The following TOX4 variants were observed in gnomAD, a reference collection of about 807,000 sequenced individuals.
The protein encoded by TOX4 is epidermal Langerhans cell protein LCP1.
In TOX4, 12 loss-of-function variants were observed where a neutral mutation model predicts 61.0. The ratio of observed to expected loss-of-function variants is 0.20; its 90% CI spans 0.13 to 0.32. The LOEUF is 0.32. Ranked by LOEUF, TOX4 falls within the 10% of genes least tolerant of loss-of-function variation. The pLI, the probability that TOX4 is intolerant of heterozygous loss-of-function variation, is 1.00. For synonymous variants in TOX4, 268 were observed against 274.8 expected (o/e 0.98, Z 0.24); for missense variants, 499 against 753.3 (o/e 0.66, Z 3.95).
chr14:21,495,191 C>CTTGGT (rs766096738), intron 7 of TOX4, 38 bp from the exon 8 acceptor site: 29 of 1,602,786 alleles, frequency 1.8e-5, no homozygotes, highest in Non-Finnish European at 2.3e-5. Flanking sequence ...AGGCAGGGAG[C>CTTGGT]AATCTAATCC....
intron 2 of TOX4, among the ~76,000 whole-genome samples, chr14:21,478,109 G>C (rs1422663733): frequency 6.6e-6 from 1 of 152,100 alleles, no homozygotes; most frequent in African/African-American, 2.4e-5. Context: ...GCTAATTTTT[G>C]TATATTTAGT....
In TOX4 at chr14:21,495,299, G is replaced by T; in HGVS notation, c.1712G>T (p.Arg571Leu). The change falls in exon 8 of 9, where the codon CGA (arginine) becomes CTA (leucine). Residue 571 changes from arginine (R) to leucine (L), a missense_variant. By Grantham distance (102) the Arg-to-Leu change is moderately radical (BLOSUM62 -2). This residue lies in a region of TOX4 where 296 missense variants were observed against 404.7 expected (regional missense o/e 0.73). Transcript: ENST00000448790. Reference sequence around the variant, plus strand: ...CCTGTGGCACTCTCACCCCAGCCTCGATGTGTGAGGTCTGGTTGTGAGAAC... The same window carrying T: ...CCTGTGGCACTCTCACCCCAGCCTCTATGTGTGAGGTCTGGTTGTGAGAAC... ...GSPVALSPQPRCVRSGCENPP... is the reference protein window; with the variant it reads ...GSPVALSPQPLCVRSGCENPP... 6.2e-7 allele frequency: 1 copy of T among 1,614,152 alleles called. No homozygotes were observed. The highest frequency in any genetic ancestry group is 8.5e-7 in the Non-Finnish European group (1 of 1,180,020).
At position 21,498,701 on chromosome 14, in the gene TOX4, G is replaced by T; in HGVS notation, c.*2095G>T. On this transcript the variant is annotated 3_prime_UTR_variant, in exon 9 of 9. Coordinates refer to ENST00000448790, the MANE Select transcript of TOX4 (RefSeq NM_014828.4). Reference sequence around the variant, plus strand: ...TAAGCTCTGTTAAGGGGTGAAAGATGTAATTATTGACAGATTAAATAGATA... The same window carrying T: ...TAAGCTCTGTTAAGGGGTGAAAGATTTAATTATTGACAGATTAAATAGATA... The T allele has an allele frequency of 2.2e-6, 1 of 464,076 alleles. No homozygotes were observed. The highest frequency in any genetic ancestry group is 3.8e-5 in the East Asian group (1 of 26,006). 28.7% of individuals were successfully genotyped at this position (464,076 alleles called of 1,614,324 possible). A position where few individuals can be genotyped will look rare whatever the true frequency, so the allele number is the denominator to read the frequency against.
chr14:21,495,154 A>G (rs1453302849), intron 7 of TOX4, 75 bp from the exon 8 acceptor site: 1 of 1,526,508 alleles, frequency 6.6e-7, no homozygotes, highest in Non-Finnish European at 8.9e-7. Context: ...ATTGGTTTCT[A>G]CAGATAATTT....
At chr14:21,482,162 T>G (rs1891117449) in intron 2 of TOX4, among the ~76,000 whole-genome samples, 1 of 152,188 alleles carries the variant, frequency 6.6e-6, no homozygotes, top group Admixed American at 6.5e-5. Context: ...TGTTTCTCTT[T>G]TTCAGGTTGG....
chr14:21,484,963 G>A lies in TOX4; in HGVS notation c.76-2488G>A, dbSNP rs1445862908. Among the ~76,000 whole-genome samples, 4 of 106,856 alleles carry A rather than the reference G, an allele frequency of 3.7e-5. 2 individuals are homozygous for A. The highest frequency in any genetic ancestry group is 1.4e-4 in the African/African-American group (4 of 28,642). 70.1% of individuals were successfully genotyped at this position (106,856 alleles called of 152,430 possible). A position where few individuals can be genotyped will look rare whatever the true frequency, so the allele number is the denominator to read the frequency against. On this transcript the variant is annotated intron_variant, in intron 2 of 8. Coordinates refer to ENST00000448790, the MANE Select transcript of TOX4 (RefSeq NM_014828.4). ...CGTGAGCCACTGCTCCCAGCCTAAT[G>A]TCTTCATTAAACCAGAATTAGAGGC...
intron 3 of TOX4, 92 bp from the exon 4 acceptor site, chr14:21,488,498 T>G: frequency 8.2e-7 from 1 of 1,219,974 alleles, no homozygotes; most frequent in East Asian, 2.4e-5. Context: ...ACAATTTGGG[T>G]AGGCAGGGAA....
Position 21,498,676 on chromosome 14 carries a change from T to G in TOX4, c.*2070T>G, listed in dbSNP as rs1891474141. On this transcript the variant is annotated 3_prime_UTR_variant, in exon 9 of 9. Coordinates refer to ENST00000448790, the MANE Select transcript of TOX4 (RefSeq NM_014828.4). The stretch of plus-strand genomic sequence containing the variant: ...AGCAAAATGCTAGCAGCATGTGTTT[T>G]AAGCTCTGTTAAGGGGTGAAAGATG... 1 of 483,442 alleles carries G rather than the reference T, an allele frequency of 2.1e-6. No homozygotes were observed. The highest frequency in any genetic ancestry group is 3.7e-6 in the Non-Finnish European group (1 of 270,786). 29.9% of individuals were successfully genotyped at this position (483,442 alleles called of 1,614,324 possible). A position where few individuals can be genotyped will look rare whatever the true frequency, so the allele number is the denominator to read the frequency against.
At position 21,498,678 on chromosome 14, in the gene TOX4, A is replaced by C. The variant is rs1891474245; in HGVS notation, c.*2072A>C. 4.1e-6 allele frequency: 2 copies of C among 483,782 alleles called. No individual in the cohort carries two copies. The highest frequency in any genetic ancestry group is 7.3e-5 in the Admixed American group (2 of 27,264). The allele number at this position is 483,782 out of a possible 1,614,324, so 30.0% of individuals were successfully genotyped here. A position where few individuals can be genotyped will look rare whatever the true frequency, so the allele number is the denominator to read the frequency against. On this transcript the variant is annotated 3_prime_UTR_variant, in exon 9 of 9. Coordinates refer to ENST00000448790, the MANE Select transcript of TOX4 (RefSeq NM_014828.4). Reference sequence around the variant, plus strand: ...CAAAATGCTAGCAGCATGTGTTTTAAGCTCTGTTAAGGGGTGAAAGATGTA... The same window carrying C: ...CAAAATGCTAGCAGCATGTGTTTTACGCTCTGTTAAGGGGTGAAAGATGTA...
intron 5 of TOX4, among the ~76,000 whole-genome samples, chr14:21,491,371 T>G (rs181202439): frequency 2.5e-3 from 381 of 151,954 alleles, no homozygotes; most frequent in African/African-American, 8.4e-3. Flanking sequence ...TATTTATTTA[T>G]TTTTTTGAGA....
intron 5 of TOX4, 27 bp from the exon 6 acceptor site, chr14:21,492,269 T>C (rs1427057980): frequency 6.3e-7 from 1 of 1,588,300 alleles, no homozygotes; most frequent in African/African-American, 1.4e-5. Flanking sequence ...GAGTTTTGTT[T>C]TTTTTTTTAA....
Position 21,492,436 on chromosome 14 carries a change from G to A in TOX4, c.891+60G>A, listed in dbSNP as rs1238800172. 3.1e-6 allele frequency: 5 copies of A among 1,610,862 alleles called. No individual in the cohort carries two copies. In the Admixed American group the frequency reaches 6.7e-5, roughly 22 times the overall value. On this transcript the variant is annotated intron_variant, in intron 6 of 8. Coordinates refer to ENST00000448790, the MANE Select transcript of TOX4 (RefSeq NM_014828.4). ...AGTAAGAAGTTTTTTGGAAGTGTTT[G>A]TTAGCAGTTTTAAGAAGTAAATACC...
At position 21,492,831 on chromosome 14, in the gene TOX4, C is replaced by G. The variant is rs370380421; in HGVS notation, c.1215C>G (p.Thr405=). Residue 405 remains threonine (T), a synonymous_variant, in exon 7 of 9, where the codon ACC becomes ACG. Coordinates refer to ENST00000448790, the MANE Select transcript of TOX4 (RefSeq NM_014828.4). ...VTSRGLQLGQ[T]STATIQPSQQ... is the part of the protein sequence containing the mutation. ...CCCGGGGGCTCCAACTAGGCCAAAC[C>G]AGTACAGCTACTATCCAGCCCAGTC... 1.3e-5 allele frequency: 21 copies of G among 1,613,970 alleles called. No homozygotes were observed. The African/African-American group carries it at 2.7e-4, about 21-fold the overall frequency.
At chr14:21,478,301 G>C (rs1891042414) in intron 2 of TOX4, among the ~76,000 whole-genome samples, 1 of 152,190 alleles carries the variant, frequency 6.6e-6, no homozygotes, top group Non-Finnish European at 1.5e-5. Context: ...AGCTTGTTTT[G>C]CTAATGTCAG....
rs752443021 is a variant in TOX4 at position 21,498,336 on chromosome 14, G to A, written c.*1730G>A. 2.5e-6 allele frequency: 4 copies of A among 1,614,174 alleles called. No individual in the cohort carries two copies. Among genetic ancestry groups the A allele is most frequent in the Non-Finnish European group, 3.4e-6 (4 of 1,180,024 alleles). ...GTGCAACCACATCTGGGTCTAGTAGGTGGATCCCATCCAGTTGGTTTCCAA... is the reference window on the plus strand; with the variant it reads ...GTGCAACCACATCTGGGTCTAGTAGATGGATCCCATCCAGTTGGTTTCCAA... On this transcript the variant is annotated 3_prime_UTR_variant, in exon 9 of 9. Transcript: ENST00000448790.
chr14:21,493,832 T>C (rs1490429671), intron 7 of TOX4, among the ~76,000 whole-genome samples: 1 of 148,168 alleles, frequency 6.7e-6, no homozygotes, highest in East Asian at 2.0e-4. Context: ...CTCACTGCAA[T>C]CTCCACCTCC....
chr14:21,489,373 G>A lies in TOX4; in HGVS notation c.780G>A (p.Met260Ile). ...AGGTTTCAAAAATTGTGGCCTCCATGTGGGATAGTCTTGGAGAGGAGCAAA... is the reference window on the plus strand; with the variant it reads ...AGGTTTCAAAAATTGTGGCCTCCATATGGGATAGTCTTGGAGAGGAGCAAA... ...FGEVSKIVAS[M>I]WDSLGEEQKQ... The change falls in exon 5 of 9, where the codon ATG becomes ATA. Residue 260 changes from methionine (M) to isoleucine (I), a missense_variant. Around this residue, in one of 7 missense-constraint regions of TOX4, gnomAD observed 15 missense variants for 80.2 expected, o/e 0.19. Coordinates refer to ENST00000448790, the MANE Select transcript of TOX4 (RefSeq NM_014828.4). 1 of 1,614,206 alleles carries A rather than the reference G, an allele frequency of 6.2e-7. No individual in the cohort carries two copies.
intron 8 of TOX4, among the ~76,000 whole-genome samples, 167 bp from the exon 9 acceptor site, chr14:21,496,379 T>A (rs1262989915): frequency 6.6e-6 from 1 of 151,192 alleles, no homozygotes; most frequent in Admixed American, 6.6e-5. Flanking sequence ...TACAAAAAAT[T>A]GGCCGGGCAT....
chr14:21,477,539 C>T lies in TOX4; in HGVS notation c.50C>T (p.Ser17Leu), dbSNP rs982953988. Residue 17 changes from serine to leucine, a missense_variant, in exon 2 of 9, where the codon TCG becomes TTG. By Grantham distance (145) the Ser-to-Leu change is moderately radical (BLOSUM62 -2). Coordinates refer to ENST00000448790, the MANE Select transcript of TOX4 (RefSeq NM_014828.4). ...NDNYLTITGP[S>L]HPFLSGAETF... The stretch of plus-strand genomic sequence containing the variant: ...AATTACCTGACGATCACAGGGCCTT[C>T]GCACCCCTTCCTGTCAGGGGCCGAG... 1.2e-6 allele frequency: 2 copies of T among 1,613,764 alleles called. No homozygotes were observed. The highest frequency in any genetic ancestry group is 1.7e-6 in the Non-Finnish European group (2 of 1,180,044).
Sources: allele counts gnomAD v4.1 joint callset (sites outside exome capture counted in the v4.1 genomes callset), GRCh38; gene constraint gnomAD v4.1.1; regional missense constraint gnomAD v4.1.1; transcripts MANE v1.5; gene names NCBI Gene and HGNC (gene_info 2026-07-23, HGNC 2026-07-21).